Variants in ZNF804A observed in about 807,000 individuals in gnomAD.
The protein encoded by ZNF804A is zinc finger protein 804A.
Under a neutral mutation model 16.5 loss-of-function variants are expected in ZNF804A, and 2 were observed. The ratio of observed to expected loss-of-function variants is 0.12; its 90% confidence interval spans 0.05 to 0.38. The LOEUF (loss-of-function observed/expected upper bound fraction) is 0.38. Among genes scored for constraint, ZNF804A ranks in the 10% least tolerant of loss-of-function variants. The probability of loss-of-function intolerance (pLI) is 0.99; values close to 1 mark genes in which losing one functional copy is unlikely to be tolerated. For synonymous variants in ZNF804A, 534 were observed against 489.6 expected, an observed-to-expected ratio of 1.09 and a Z score of -1.20; for missense variants, 1,473 against 1,390.7, an observed-to-expected ratio of 1.06 and a Z score of -0.94.
intron 1 of ZNF804A, among the ~76,000 whole-genome samples, chr2:184,687,841 AG>A (rs1428413565): frequency 6.6e-6 from 1 of 152,202 alleles, no homozygotes; most frequent in Non-Finnish European, 1.5e-5. Flanking sequence ...TTCATAGGCC[AG>A]GCGTGGTGGT....
At chr2:184,901,036 C>CA (rs1685173022) in intron 2 of ZNF804A, among the ~76,000 whole-genome samples, 1 of 152,096 alleles carries the variant, frequency 6.6e-6, no homozygotes, top group Non-Finnish European at 1.5e-5. Context: ...TTTGCAGGGG[C>CA]ATTCTCCTCT....
intron 1 of ZNF804A, among the ~76,000 whole-genome samples, chr2:184,729,294 A>G (rs576381170): frequency 6.6e-6 from 1 of 152,040 alleles, no homozygotes; most frequent in Non-Finnish European, 1.5e-5. Context: ...ATAAATATAT[A>G]CAATTTTTAC....
At chr2:184,879,916 AGG>A in intron 2 of ZNF804A, among the ~76,000 whole-genome samples, 1 of 152,102 alleles carries the variant, frequency 6.6e-6, no homozygotes, top group African/African-American at 2.4e-5. Flanking sequence ...GTAAATCAAC[AGG>A]AGAGATTACT....
At chr2:184,650,603 T>G (rs1203253874) in intron 1 of ZNF804A, among the ~76,000 whole-genome samples, 1 of 152,230 alleles carries the variant, frequency 6.6e-6, no homozygotes, top group East Asian at 1.9e-4. Flanking sequence ...ATAAATAACT[T>G]CAGTAAAGTT....
chr2:184,634,455 G>A (rs779175148), intron 1 of ZNF804A, among the ~76,000 whole-genome samples: 1 of 152,048 alleles, frequency 6.6e-6, no homozygotes, highest in Non-Finnish European at 1.5e-5. Flanking sequence ...TACCTGAGTG[G>A]GCCCAATGTA....
chr2:184,927,652 G>A (rs1340019993), intron 2 of ZNF804A, among the ~76,000 whole-genome samples: 1 of 152,108 alleles, frequency 6.6e-6, no homozygotes, highest in East Asian at 1.9e-4. Flanking sequence ...AAGTCTACCT[G>A]GTGTTCCATT....
chr2:184,708,095 T>C (rs1048282337), intron 1 of ZNF804A, among the ~76,000 whole-genome samples: 5 of 152,064 alleles, frequency 3.3e-5, no homozygotes, highest in African/African-American at 1.2e-4. Flanking sequence ...TCTTTTGAGA[T>C]GTGTCTGTTT....
At chr2:184,678,485 G>C (rs983304530) in intron 1 of ZNF804A, among the ~76,000 whole-genome samples, 1 of 152,046 alleles carries the variant, frequency 6.6e-6, no homozygotes, top group Non-Finnish European at 1.5e-5. Context: ...TAGCAACTTT[G>C]CAATATTTAA....
At chr2:184,828,728 A>G (rs979492126) in intron 1 of ZNF804A, among the ~76,000 whole-genome samples, 1 of 151,702 alleles carries the variant, frequency 6.6e-6, no homozygotes, top group African/African-American at 2.4e-5. Context: ...TCTCCCCTCT[A>G]CTTTTGAGCT....
chr2:184,654,886 G>A (rs1692049273), intron 1 of ZNF804A, among the ~76,000 whole-genome samples: 1 of 152,134 alleles, frequency 6.6e-6, no homozygotes, highest in Admixed American at 6.5e-5. Flanking sequence ...CTATCATAAA[G>A]TACCAAGTGA....
intron 1 of ZNF804A, among the ~76,000 whole-genome samples, chr2:184,772,603 T>C (rs932513676): frequency 1.3e-5 from 2 of 151,878 alleles, no homozygotes; most frequent in Admixed American, 6.6e-5. Flanking sequence ...AGTTTTTGTG[T>C]GGATATACAT....
intron 2 of ZNF804A, among the ~76,000 whole-genome samples, chr2:184,932,072 T>C (rs950105356): frequency 6.6e-6 from 1 of 152,190 alleles, no homozygotes; most frequent in Non-Finnish European, 1.5e-5. Flanking sequence ...GCCTGGACTT[T>C]ATTATCCATA....
intron 1 of ZNF804A, among the ~76,000 whole-genome samples, chr2:184,712,831 C>A (rs75368853): frequency 0.17 from 25,339 of 151,536 alleles, 2,651 homozygotes; most frequent in South Asian, 0.24. Context: ...TTTAGTTATA[C>A]TCATCAGCTC....
chr2:184,791,436 C>T (rs1209482379), intron 1 of ZNF804A, among the ~76,000 whole-genome samples: 1 of 152,164 alleles, frequency 6.6e-6, no homozygotes, highest in Middle Eastern at 3.2e-3. Flanking sequence ...TGGCAGGATA[C>T]AAGCTTCTTG....
At chr2:184,765,637 A>C (rs987425865) in intron 1 of ZNF804A, among the ~76,000 whole-genome samples, 2 of 138,826 alleles carry the variant, frequency 1.4e-5, no homozygotes, top group African/African-American at 5.5e-5. Flanking sequence ...AGCCCTTAAA[A>C]GGGACAGGAA....
intron 2 of ZNF804A, among the ~76,000 whole-genome samples, chr2:184,928,081 G>A (rs1200864903): frequency 6.6e-6 from 1 of 151,982 alleles, no homozygotes; most frequent in Non-Finnish European, 1.5e-5. Flanking sequence ...CTGGGAATAT[G>A]CTGAGTTTCA....
chr2:184,865,881 G>A (rs1695870925), intron 1 of ZNF804A, among the ~76,000 whole-genome samples: 1 of 152,064 alleles, frequency 6.6e-6, no homozygotes, highest in Non-Finnish European at 1.5e-5. Flanking sequence ...TAAATGCCTA[G>A]ATGGAATGAA....
chr2:184,704,690 T>C (rs1429102286), intron 1 of ZNF804A, among the ~76,000 whole-genome samples: 1 of 152,180 alleles, frequency 6.6e-6, no homozygotes, highest in Non-Finnish European at 1.5e-5. Flanking sequence ...AAAGCAAATA[T>C]CTTAGCCTGG....
At chr2:184,857,310 C>T (rs1028286801) in intron 1 of ZNF804A, among the ~76,000 whole-genome samples, 1 of 151,812 alleles carries the variant, frequency 6.6e-6, no homozygotes, top group East Asian at 1.9e-4. Context: ...TTATTGATTC[C>T]TTGTTTTATA....
Sources: gnomAD v4.1 joint callset for allele counts (sites outside exome capture counted in the v4.1 genomes callset) on GRCh38, gnomAD v4.1.1 for gene constraint, MANE v1.5 for transcripts, NCBI Gene and HGNC (gene_info 2026-07-23, HGNC 2026-07-21) for gene names.